The following ACTN1 variants were observed in gnomAD, a reference collection of about 807,000 sequenced individuals.
ACTN1 encodes the protein alpha-actinin-1.
Under a neutral mutation model 119.6 loss-of-function variants are expected in ACTN1, and 30 were observed. The observed-to-expected ratio is 0.25, with a 90% confidence interval of 0.19 to 0.34. ACTN1 has a LOEUF of 0.34. ACTN1 is among the 10% of genes least tolerant of loss of function. The pLI, the probability that ACTN1 is intolerant of heterozygous loss-of-function variation, is 1.00. For missense variants in ACTN1, 764 were observed against 1,223.4 expected, an observed-to-expected ratio of 0.62 and a Z score of 5.60; for synonymous variants, 429 against 472.6, an observed-to-expected ratio of 0.91 and a Z score of 1.20.
chr14:68,875,603 T>TA (rs1337608689), intron 21 of ACTN1, among the ~76,000 whole-genome samples: 1 of 152,254 alleles, frequency 6.6e-6, no homozygotes, highest in Non-Finnish European at 1.5e-5. Flanking sequence ...ATGATAGGTC[T>TA]ACTTGGAAGC....
At chr14:68,920,366 G>A (rs2140350838) in intron 3 of ACTN1, among the ~76,000 whole-genome samples, 1 of 152,284 alleles carries the variant, frequency 6.6e-6, no homozygotes, top group South Asian at 2.1e-4. Flanking sequence ...TCACAGGACT[G>A]AAGGGGCCTG....
chr14:68,946,419 T>C (rs1226599424), intron 1 of ACTN1, among the ~76,000 whole-genome samples: 1 of 152,128 alleles, frequency 6.6e-6, no homozygotes, highest in African/African-American at 2.4e-5. Context: ...ATTCCTCAAC[T>C]TCCCTATCTG....
At chr14:68,951,790 C>T (rs10140112) in intron 1 of ACTN1, among the ~76,000 whole-genome samples, 4,418 of 152,266 alleles carry the variant, frequency 0.029, 189 homozygotes, top group African/African-American at 0.1. Flanking sequence ...AAGTGCAGCA[C>T]CAGTGTCCCC....
chr14:68,929,739 C>T (rs987747893), intron 1 of ACTN1, among the ~76,000 whole-genome samples: 6 of 152,192 alleles, frequency 3.9e-5, no homozygotes, highest in Admixed American at 6.5e-5. Flanking sequence ...CCACCTGCCC[C>T]GGCCCTGCAG....
rs1555349639 is a variant in ACTN1 at position 68,906,074 on chromosome 14, G to GGT, written c.595-1339_595-1338insAC. On this transcript the variant is annotated intron_variant, in intron 6 of 21. Transcript: ENST00000394419. ...AGAATGGTAGCAGCCAGAGGCCGGG[G>GGT]GGGCAGGAAAGAACGGGGAACTACC... 9.8e-3 allele frequency among the ~76,000 whole-genome samples: 1,485 copies of GGT among 152,056 alleles called. 22 individuals carry two copies. The highest frequency in any genetic ancestry group is 0.031 in the African/African-American group (1,296 of 41,418).
chr14:68,973,895 A>T (rs758230403), intron 1 of ACTN1: 1 of 151,966 alleles, frequency 6.6e-6, no homozygotes, highest in Non-Finnish European at 1.5e-5. Flanking sequence ...CTCTGCCATG[A>T]CCTCTCTGGG....
In ACTN1 at chr14:68,925,318, CTTTTTT is replaced by C. The variant is rs36108835; in HGVS notation, c.220+234_220+239del. Among the ~76,000 whole-genome samples the C allele has an allele frequency of 5.8e-5, 7 of 121,238 alleles. No individual in the cohort carries two copies. Among genetic ancestry groups the C allele is most frequent in the Non-Finnish European group, 8.3e-5 (5 of 60,072 alleles). 79.5% of individuals were successfully genotyped at this position (121,238 alleles called of 152,430 possible). A position where few individuals can be genotyped will look rare whatever the true frequency, so the allele number is the denominator to read the frequency against. ...GAAGGAACCTCAGTTCCTTCAAACC[CTTTTTT>C]TTTTTTTTTTTTTTTTTAAAACAAA... On this transcript the variant is annotated intron_variant, in intron 2 of 21. Transcript: ENST00000394419. This position sits in a 1 kb window ranked among gnomAD's most constrained non-coding sequence, Gnocchi z 4.3.
intron 6 of ACTN1, among the ~76,000 whole-genome samples, chr14:68,908,763 C>T (rs1332479084): frequency 2.0e-5 from 3 of 152,198 alleles, no homozygotes; most frequent in Non-Finnish European, 4.4e-5. Flanking sequence ...GCTCCCACTC[C>T]TGCATCTGTC....
intron 9 of ACTN1, among the ~76,000 whole-genome samples, chr14:68,892,717 A>C (rs1029464188): frequency 6.6e-6 from 1 of 152,140 alleles, no homozygotes; most frequent in Non-Finnish European, 1.5e-5. Flanking sequence ...AGAATCTAGA[A>C]TGTGGGTCTC....
At chr14:68,933,685 A>G (rs1395135720) in intron 1 of ACTN1, among the ~76,000 whole-genome samples, 2 of 152,112 alleles carry the variant, frequency 1.3e-5, no homozygotes, top group Non-Finnish European at 2.9e-5. Flanking sequence ...AAGAAGAGAC[A>G]GAAATCTGAA....
chr14:68,961,128 A>G (rs1460125776), intron 1 of ACTN1, among the ~76,000 whole-genome samples: 1 of 152,206 alleles, frequency 6.6e-6, no homozygotes, highest in Non-Finnish European at 1.5e-5. Flanking sequence ...TCCACCTCAA[A>G]TGCTTTTTGG....
intron 1 of ACTN1, among the ~76,000 whole-genome samples, chr14:68,969,377 C>A (rs561095465): frequency 6.6e-6 from 1 of 152,192 alleles, no homozygotes; most frequent in African/African-American, 2.4e-5. Flanking sequence ...AAACACAATT[C>A]ATAAGCCACC....
intron 1 of ACTN1, chr14:68,977,598 A>T (rs1415013960): frequency 3.8e-6 from 1 of 259,748 alleles, no homozygotes; most frequent in Non-Finnish European, 7.6e-6. Context: ...TGAAGTGAGT[A>T]AAAGGGCTCC....
Position 68,880,200 on chromosome 14 carries a change from GC to G in ACTN1, c.2134-93del. 1 of 1,500,320 alleles carries G rather than the reference GC, an allele frequency of 6.7e-7. No homozygotes were observed. Among genetic ancestry groups the G allele is most frequent in the Non-Finnish European group, 9.0e-7 (1 of 1,113,810 alleles). 92.9% of individuals were successfully genotyped at this position (1,500,320 alleles called of 1,614,324 possible). A position where few individuals can be genotyped will look rare whatever the true frequency, so the allele number is the denominator to read the frequency against. ...ATCCTACTCCCCAACCATCAAAATG[GC>G]CAAAGCCATCAAACTTGGCCTTCTG... On this transcript the variant is annotated intron_variant, in intron 17 of 21. Transcript: ENST00000394419. The surrounding 1 kb of genome is among the most constrained non-coding windows in gnomAD (Gnocchi z 4.6).
intron 1 of ACTN1, among the ~76,000 whole-genome samples, chr14:68,969,458 C>T (rs1167563624): frequency 1.3e-5 from 2 of 152,236 alleles, no homozygotes; most frequent in Admixed American, 6.5e-5. Context: ...AAGGCCCTTA[C>T]AAAATATCGG....
rs534873074 is a variant in ACTN1, at chr14:68,917,501, G to A, written c.340+3505C>T. On this transcript the variant is annotated intron_variant, in intron 3 of 21. Coordinates refer to ENST00000394419, the MANE Select transcript of ACTN1 (RefSeq NM_001130004.2). The stretch of plus-strand genomic sequence containing the variant: ...CAGCCCAGGATGGACAACCTGCAAC[G>A]TTCCCCCGCTCCCCTTCCAGGAGAG... Among the ~76,000 whole-genome samples the A allele has an allele frequency of 1.2e-4, 18 of 152,308 alleles. 2 individuals are homozygous for A. Among genetic ancestry groups the A allele is most frequent in the African/African-American group, 3.1e-4 (13 of 41,560 alleles).
chr14:68,881,936 C>CTTTTTTTTTTTTTTTTTTTTTTTTTT (rs781067137), intron 16 of ACTN1, among the ~76,000 whole-genome samples: 12 of 58,386 alleles, frequency 2.1e-4, no homozygotes, highest in Admixed American at 3.9e-4. Context: ...TAGGCAGCTT[C>CTTTTTTTTTTTTTTTTTTTTTTTTTT]TTTTTTTTTT....
intron 21 of ACTN1, among the ~76,000 whole-genome samples, chr14:68,876,511 A>G (rs1319842610): frequency 6.6e-6 from 1 of 152,106 alleles, no homozygotes; most frequent in Non-Finnish European, 1.5e-5. Flanking sequence ...AGGTCTACCA[A>G]TGACCATCTC....
At chr14:68,942,646 C>T (rs956745612) in intron 1 of ACTN1, among the ~76,000 whole-genome samples, 4 of 152,138 alleles carry the variant, frequency 2.6e-5, no homozygotes, top group Non-Finnish European at 4.4e-5. Flanking sequence ...TTGATTACGC[C>T]GAATGTTGGT....
Sources: gnomAD v4.1 joint callset for allele counts (sites outside exome capture counted in the v4.1 genomes callset) on GRCh38, gnomAD v4.1.1 for gene constraint, Gnocchi (gnomAD v3.1) non-coding constraint, MANE v1.5 for transcripts, NCBI Gene and HGNC (gene_info 2026-07-23, HGNC 2026-07-21) for gene names.